The following SLC9A9 variants were observed in gnomAD, a reference collection of about 807,000 sequenced individuals.
The protein encoded by SLC9A9 is solute carrier family 9 member A9.
In SLC9A9, 62 loss-of-function variants were observed where a neutral mutation model predicts 77.8. The ratio of observed to expected loss-of-function variants is 0.80; its 90% CI spans 0.65 to 0.98. The LOEUF (loss-of-function observed/expected upper bound fraction) is 0.98. Ranked by LOEUF, SLC9A9 falls within the 50% of genes least tolerant of loss-of-function variation. The pLI, the probability that SLC9A9 is intolerant of heterozygous loss-of-function variation, is 0.00. For synonymous variants in SLC9A9, 320 were observed against 283.5 expected (o/e 1.13, Z -1.29); for missense variants, 775 against 774.9 (o/e 1.00, Z 0.00).
chr3:143,506,793 A>T (rs2036025729), intron 9 of SLC9A9, among the ~76,000 whole-genome samples: 1 of 152,138 alleles, frequency 6.6e-6, no homozygotes, highest in Non-Finnish European at 1.5e-5. Flanking sequence ...TTGAAAAAAC[A>T]AAAGTTGTAG....
chr3:143,673,335 T>A (rs945562455), intron 5 of SLC9A9, among the ~76,000 whole-genome samples: 1 of 152,186 alleles, frequency 6.6e-6, no homozygotes, highest in Admixed American at 6.5e-5. Context: ...AGGCATATTC[T>A]GTGTCCATGC....
intron 14 of SLC9A9, among the ~76,000 whole-genome samples, chr3:143,334,051 A>G (rs1462717323): frequency 6.6e-6 from 1 of 152,260 alleles, no homozygotes; most frequent in African/African-American, 2.4e-5. Flanking sequence ...ATTGGTACAA[A>G]GAGCACTGCA....
In SLC9A9 at chr3:143,693,261, G is replaced by A; in HGVS notation, c.580C>T (p.Leu194=). ...FVKAMIHAGQ[L]KNGDFHFTDC... is the part of the protein sequence containing the mutation. ...GTGAAATGAAAGTCTCCATTTTTCA[G>A]CTGGCCAGCATGTATCATAGCCTTC... Residue 194 remains leucine, a synonymous_variant, in exon 5 of 16, where the codon CTG becomes TTG. Transcript: ENST00000316549. 1 of 1,613,320 alleles carries A rather than the reference G, an allele frequency of 6.2e-7. No homozygotes were observed. The highest frequency in any genetic ancestry group is 1.3e-5 in the African/African-American group (1 of 74,982).
At chr3:143,314,802 C>T (rs574349062) in intron 14 of SLC9A9, among the ~76,000 whole-genome samples, 10 of 152,272 alleles carry the variant, frequency 6.6e-5, no homozygotes, top group Admixed American at 2.0e-4. Flanking sequence ...AAAATATCAC[C>T]GGAGACAGAG....
intron 5 of SLC9A9, among the ~76,000 whole-genome samples, chr3:143,655,855 T>C (rs1020296195): frequency 6.6e-6 from 1 of 152,118 alleles, no homozygotes; most frequent in Non-Finnish European, 1.5e-5. Flanking sequence ...GAGCCAGTGG[T>C]GTGGACTGCA....
chr3:143,711,363 C>CA (rs1258242254), intron 4 of SLC9A9, among the ~76,000 whole-genome samples: 1 of 151,856 alleles, frequency 6.6e-6, no homozygotes, highest in Admixed American at 6.6e-5. Flanking sequence ...GAGAAACCAC[C>CA]AAAATGCTTT....
intron 12 of SLC9A9, among the ~76,000 whole-genome samples, chr3:143,462,099 G>T (rs947266087): frequency 1.2e-4 from 19 of 152,194 alleles, no homozygotes; most frequent in Middle Eastern, 3.2e-3. Flanking sequence ...TGGTGTGGTG[G>T]CTCATGCCTG....
At chr3:143,454,080 T>C (rs2035050588) in intron 12 of SLC9A9, among the ~76,000 whole-genome samples, 1 of 152,186 alleles carries the variant, frequency 6.6e-6, no homozygotes, top group South Asian at 2.1e-4. Flanking sequence ...ACCTTTATCT[T>C]GGACTTCCCA....
chr3:143,479,198 C>G (rs928770365), intron 11 of SLC9A9, among the ~76,000 whole-genome samples: 1 of 152,158 alleles, frequency 6.6e-6, no homozygotes, highest in Non-Finnish European at 1.5e-5. Context: ...GGTGGGGGCA[C>G]AATATATTTT....
intron 4 of SLC9A9, among the ~76,000 whole-genome samples, chr3:143,786,233 T>C (rs541291329): frequency 6.6e-6 from 1 of 152,248 alleles, no homozygotes; most frequent in South Asian, 2.1e-4. Context: ...ACTTCTCAGA[T>C]AAATTCTCCT....
intron 6 of SLC9A9, among the ~76,000 whole-genome samples, chr3:143,636,853 C>T (rs2038531621): frequency 6.6e-6 from 1 of 152,136 alleles, no homozygotes; most frequent in African/African-American, 2.4e-5. Context: ...TTTGAGCAAG[C>T]CACTACACTA....
chr3:143,582,863 C>T (rs2037479914), intron 6 of SLC9A9, among the ~76,000 whole-genome samples: 1 of 152,110 alleles, frequency 6.6e-6, no homozygotes, highest in South Asian at 2.1e-4. Flanking sequence ...AAGCAGAAGC[C>T]AGGCTGGGCA....
At chr3:143,278,364 C>T (rs944546451) in intron 14 of SLC9A9, among the ~76,000 whole-genome samples, 2 of 152,152 alleles carry the variant, frequency 1.3e-5, no homozygotes, top group African/African-American at 4.8e-5. Flanking sequence ...AGATTTTTCT[C>T]ATTACTAAGG....
intron 11 of SLC9A9, among the ~76,000 whole-genome samples, chr3:143,467,420 C>G (rs753146510): frequency 6.6e-5 from 10 of 152,080 alleles, no homozygotes; most frequent in Non-Finnish European, 1.3e-4. Context: ...ATATGTCAAC[C>G]AGAATATTGA....
At chr3:143,480,988 T>A (rs1435284288) in intron 11 of SLC9A9, among the ~76,000 whole-genome samples, 1 of 152,192 alleles carries the variant, frequency 6.6e-6, no homozygotes. Context: ...TTTAAAGAAA[T>A]CTTTTTTCCT....
chr3:143,641,385 C>CTTTTTTTT lies in SLC9A9; in HGVS notation c.755+10862_755+10869dup, dbSNP rs529425639. 6.4e-3 allele frequency among the ~76,000 whole-genome samples: 502 copies of CTTTTTTTT among 78,820 alleles called. 44 individuals carry two copies. The highest frequency in any genetic ancestry group is 8.7e-3 in the Non-Finnish European group (366 of 42,122). 51.7% of individuals were successfully genotyped at this position (78,820 alleles called of 152,430 possible). The stretch of plus-strand genomic sequence containing the variant: ...AAAAAGAATTATCTGTTGTCACAGT[C>CTTTTTTTT]TTTTTTTTTTTTTTTTTTTTTTTTG... On this transcript the variant is annotated intron_variant, in intron 6 of 15. Coordinates refer to ENST00000316549, the MANE Select transcript of SLC9A9 (RefSeq NM_173653.4).
At position 143,363,560 on chromosome 3, in the gene SLC9A9, C is replaced by T. The variant is rs761026736; in HGVS notation, c.1528G>A (p.Ala510Thr). Residue 510 changes from alanine to threonine, a missense_variant, in exon 14 of 16, where the codon GCA becomes ACA. Coordinates refer to ENST00000316549, the MANE Select transcript of SLC9A9 (RefSeq NM_173653.4). Reference protein sequence around the residue: ...KEDPSSQHQEANNLDKNMTKA... With the variant: ...KEDPSSQHQETNNLDKNMTKA... ...GTCATGTTTTTATCCAAGTTATTTGCTTCCTGGGGAGAAACAATAGAAAAA... is the reference window on the plus strand; with the variant it reads ...GTCATGTTTTTATCCAAGTTATTTGTTTCCTGGGGAGAAACAATAGAAAAA... The T allele has an allele frequency of 4.3e-6, 7 of 1,612,458 alleles. No homozygotes were observed. The South Asian group carries it at 6.6e-5, about 15-fold the overall frequency.
rs1353046226 is a variant in SLC9A9 at position 143,580,628 on chromosome 3, G to A, written c.756-1905C>T. Among the ~76,000 whole-genome samples, 3 of 152,074 alleles carry A rather than the reference G, an allele frequency of 2.0e-5. No individual in the cohort carries two copies. The East Asian group carries it at 5.8e-4, about 29-fold the overall frequency. On this transcript the variant is annotated intron_variant, in intron 6 of 15. Transcript: ENST00000316549. ...TTCTTTTTAATATATGTAAAAATAG[G>A]TAATTTAGAAAAAGAAAGTTCACCT...
chr3:143,433,354 A>AT (rs1192712709), intron 12 of SLC9A9, among the ~76,000 whole-genome samples: 5 of 152,052 alleles, frequency 3.3e-5, no homozygotes, highest in African/African-American at 4.8e-5. Context: ...AAAAATTGTG[A>AT]TTTTTTTGTG....
Sources: allele counts gnomAD v4.1 joint callset (sites outside exome capture counted in the v4.1 genomes callset), GRCh38; gene constraint gnomAD v4.1.1; transcripts MANE v1.5; gene names NCBI Gene and HGNC (gene_info 2026-07-23, HGNC 2026-07-21).